The following STXBP5L variants were observed in gnomAD, a reference collection of about 807,000 sequenced individuals.
The protein encoded by STXBP5L is syntaxin-binding protein 5-like.
STXBP5L carries 65 observed loss-of-function variants against 144.5 expected under a neutral mutation model. The observed-to-expected ratio is 0.45, with a 90% CI of 0.37 to 0.55. The LOEUF (loss-of-function observed/expected upper bound fraction) is 0.55, where lower values mean the gene tolerates loss of function less well. Ranked by LOEUF, STXBP5L falls within the 20% of genes least tolerant of loss-of-function variation. The pLI is 0.00. For missense variants in STXBP5L, 1,298 were observed against 1,405.5 expected (o/e 0.92, Z 1.22); for synonymous variants, 505 against 469.6 (o/e 1.08, Z -0.97).
intron 5 of STXBP5L, among the ~76,000 whole-genome samples, chr3:121,071,449 C>T (rs1437449387): frequency 1.3e-5 from 2 of 152,176 alleles, no homozygotes; most frequent in Non-Finnish European, 2.9e-5. Flanking sequence ...GGAAGTTGTC[C>T]GTGTCAGCAG....
Position 121,279,964 on chromosome 3 carries a change from A to G in STXBP5L, c.2110+8A>G. The G allele has an allele frequency of 6.2e-7, 1 of 1,609,402 alleles. No individual in the cohort carries two copies. Among genetic ancestry groups the G allele is most frequent in the South Asian group, 1.1e-5 (1 of 90,166 alleles). On this transcript the variant is annotated splice_region_variant and intron_variant, in intron 19 of 26. Transcript: ENST00000471454. ...ACAAACAGTTCATTGCAGGTAGGAGATAAAACAAGATGAGTTATGAACTTG... is the reference window on the plus strand; with the variant it reads ...ACAAACAGTTCATTGCAGGTAGGAGGTAAAACAAGATGAGTTATGAACTTG...
intron 9 of STXBP5L, among the ~76,000 whole-genome samples, chr3:121,180,105 C>CA (rs1577130808): frequency 6.6e-6 from 1 of 152,036 alleles, no homozygotes; most frequent in African/African-American, 2.4e-5. Flanking sequence ...AAATTCATCA[C>CA]AAAAAAGATC....
intron 11 of STXBP5L, among the ~76,000 whole-genome samples, chr3:121,229,596 C>G (rs933220376): frequency 2.0e-5 from 3 of 152,024 alleles, no homozygotes; most frequent in Non-Finnish European, 2.9e-5. Flanking sequence ...TGCCCTTTTG[C>G]CCAGGCTAGA....
intron 2 of STXBP5L, among the ~76,000 whole-genome samples, chr3:120,916,410 C>T (rs1305694086): frequency 6.6e-6 from 1 of 152,102 alleles, no homozygotes; most frequent in Non-Finnish European, 1.5e-5. Context: ...AAGCGATTCT[C>T]CTGCCTCAGC....
chr3:120,985,696 G>T (rs962741246), intron 3 of STXBP5L, among the ~76,000 whole-genome samples: 5 of 151,780 alleles, frequency 3.3e-5, no homozygotes, highest in Non-Finnish European at 5.9e-5. Flanking sequence ...AGATTCTTCA[G>T]TTGGTTGATG....
In STXBP5L at chr3:121,381,318, T is replaced by C; in HGVS notation, c.2373T>C (p.Arg791=). 6.3e-7 allele frequency: 1 copy of C among 1,586,876 alleles called. No individual in the cohort carries two copies. Among genetic ancestry groups the C allele is most frequent in the Non-Finnish European group, 8.5e-7 (1 of 1,172,852 alleles). ...TEENRENSYN[R]SRSSSISSID... Reference sequence around the variant, plus strand: ...AAAACCGAGAAAATTCCTATAATCGTTCTAGAAGCTCTAGTATCTCCAGTA... The same window carrying C: ...AAAACCGAGAAAATTCCTATAATCGCTCTAGAAGCTCTAGTATCTCCAGTA... The change falls in exon 22 of 27, where the codon CGT becomes CGC. Residue 791 remains arginine (R), a synonymous_variant. Transcript: ENST00000471454.
intron 5 of STXBP5L, among the ~76,000 whole-genome samples, chr3:121,055,675 AT>A (rs143740506): frequency 6.9e-5 from 10 of 145,764 alleles, no homozygotes; most frequent in East Asian, 2.0e-4. Context: ...ATACCCAGCT[AT>A]TTTTTTTTTA....
intron 5 of STXBP5L, among the ~76,000 whole-genome samples, chr3:121,075,114 G>A (rs1448997881): frequency 6.6e-6 from 1 of 152,096 alleles, no homozygotes; most frequent in East Asian, 1.9e-4. Context: ...ATTGATTCCT[G>A]CCACTCTGAT....
At chr3:121,230,640 A>T (rs569767076) in intron 11 of STXBP5L, among the ~76,000 whole-genome samples, 2 of 152,242 alleles carry the variant, frequency 1.3e-5, no homozygotes, top group East Asian at 3.9e-4. Context: ...ATGAATACTC[A>T]TCTATTTATA....
At chr3:121,349,481 G>A (rs2045174481) in intron 20 of STXBP5L, among the ~76,000 whole-genome samples, 1 of 152,050 alleles carries the variant, frequency 6.6e-6, no homozygotes, top group African/African-American at 2.4e-5. Context: ...GGTCTGCTTG[G>A]TGTAGAGCTG....
chr3:121,080,863 AT>A (rs1322452744), intron 5 of STXBP5L, among the ~76,000 whole-genome samples: 1 of 152,062 alleles, frequency 6.6e-6, no homozygotes, highest in Non-Finnish European at 1.5e-5. Context: ...TTTGTGATGA[AT>A]TTCCCATAAG....
intron 3 of STXBP5L, among the ~76,000 whole-genome samples, chr3:120,970,858 A>G (rs1940168937): frequency 6.6e-6 from 1 of 152,090 alleles, no homozygotes; most frequent in South Asian, 2.1e-4. Context: ...AATTCACTGG[A>G]ACTAACTTAT....
intron 20 of STXBP5L, among the ~76,000 whole-genome samples, chr3:121,339,399 A>G (rs1042266851): frequency 1.3e-5 from 2 of 152,146 alleles, no homozygotes; most frequent in South Asian, 4.1e-4. Context: ...AATTAGATAT[A>G]GAAGGAACAT....
At position 121,200,069 on chromosome 3, in the gene STXBP5L, T is replaced by A. The variant is rs577709466; in HGVS notation, c.878-5854T>A. On this transcript the variant is annotated intron_variant, in intron 9 of 26. Coordinates refer to ENST00000471454, the MANE Select transcript of STXBP5L (RefSeq NM_001308330.2). The stretch of plus-strand genomic sequence containing the variant: ...TTTCAGAAGGAATGGTTCCAGCTCC[T>A]CTTTGTACCTCTGGTAGAATTTGGC... Among the ~76,000 whole-genome samples the A allele has an allele frequency of 9.8e-5, 15 of 152,316 alleles. No homozygotes were observed. The East Asian group carries it at 2.9e-3, about 29-fold the overall frequency.
chr3:121,092,017 G>A (rs1439818401), intron 5 of STXBP5L, among the ~76,000 whole-genome samples: 8 of 152,108 alleles, frequency 5.3e-5, no homozygotes, highest in African/African-American at 1.4e-4. Context: ...TCCCAGCACC[G>A]TTTATTAAAT....
At chr3:121,335,413 T>C (rs1241714781) in intron 20 of STXBP5L, among the ~76,000 whole-genome samples, 1 of 152,168 alleles carries the variant, frequency 6.6e-6, no homozygotes. Context: ...ACTGTCAAAC[T>C]ACCAATGACA....
intron 3 of STXBP5L, among the ~76,000 whole-genome samples, chr3:121,000,652 G>T (rs1392209178): frequency 2.0e-5 from 3 of 152,114 alleles, no homozygotes; most frequent in Non-Finnish European, 4.4e-5. Context: ...ACTATTGCTG[G>T]GAAGCTAATA....
At chr3:121,243,000 C>T (rs749819706) in intron 14 of STXBP5L, among the ~76,000 whole-genome samples, 1 of 152,218 alleles carries the variant, frequency 6.6e-6, no homozygotes, top group Non-Finnish European at 1.5e-5. Context: ...AAAAGCAGGG[C>T]GTTTCAGCCA....
intron 19 of STXBP5L, among the ~76,000 whole-genome samples, chr3:121,316,613 A>C (rs2043797259): frequency 6.6e-6 from 1 of 152,182 alleles, no homozygotes; most frequent in African/African-American, 2.4e-5. Context: ...GGAAAACGAT[A>C]ATTTATATAA....
Sources: gnomAD v4.1 joint callset for allele counts (sites outside exome capture counted in the v4.1 genomes callset) on GRCh38, gnomAD v4.1.1 for gene constraint, MANE v1.5 for transcripts, NCBI Gene and HGNC (gene_info 2026-07-23, HGNC 2026-07-21) for gene names.